STK32C: variants seen among roughly 807,000 people sequenced by gnomAD.
STK32C encodes serine/threonine-protein kinase 32C.
In STK32C, 31 loss-of-function variants were observed where a neutral mutation model predicts 56.5. The ratio of observed to expected loss-of-function variants is 0.55; its 90% CI spans 0.41 to 0.74. STK32C has a LOEUF of 0.74. STK32C is among the 30% of genes least tolerant of loss of function. The pLI, the probability that STK32C is intolerant of heterozygous loss-of-function variation, is 0.00. For missense variants in STK32C, 544 were observed against 676.9 expected (o/e 0.80, Z 2.18); for synonymous variants, 309 against 289.4 (o/e 1.07, Z -0.69).
chr10:132,317,375 ATTCATTCATTGGTC>A (rs2066327605), intron 1 of STK32C, among the ~76,000 whole-genome samples: 1 of 152,226 alleles, frequency 6.6e-6, no homozygotes, highest in South Asian at 2.1e-4. Flanking sequence ...GAGGCATAAA[ATTCATTCATTGGTC>A]TTCACTAAAG....
At chr10:132,243,687 G>C (rs1052831679) in intron 2 of STK32C, among the ~76,000 whole-genome samples, 1 of 152,230 alleles carries the variant, frequency 6.6e-6, no homozygotes, top group Non-Finnish European at 1.5e-5. Context: ...AAAGCCAAGG[G>C]CCAGGTCTAG....
At chr10:132,331,821 T>C (rs1339612946) in exon 1 of STK32C, 31 of 1,551,180 alleles carry the variant, frequency 2.0e-5, no homozygotes, top group Non-Finnish European at 2.7e-5. Flanking sequence ...CCACCACCCC[T>C]TCAAGGCCGC....
At chr10:132,248,158 C>G (rs1479255134) in intron 1 of STK32C, among the ~76,000 whole-genome samples, 1 of 152,242 alleles carries the variant, frequency 6.6e-6, no homozygotes, top group Non-Finnish European at 1.5e-5. Flanking sequence ...GGGCCGCGGC[C>G]GCACAGGCAG....
chr10:132,226,773 G>C, intron 4 of STK32C, 22 bp downstream of exon 4: 1 of 1,607,280 alleles, frequency 6.2e-7, no homozygotes, highest in East Asian at 2.2e-5. Context: ...GCAGGTACCT[G>C]CGCCGTCTGC....
chr10:132,246,730 C>A (rs147340972), intron 1 of STK32C, among the ~76,000 whole-genome samples: 131 of 152,310 alleles, frequency 8.6e-4, no homozygotes, highest in African/African-American at 2.9e-3. Flanking sequence ...ACCGTCTGCA[C>A]TTGCCTTTCA....
At chr10:132,221,453 C>T (rs531897021) in intron 10 of STK32C, among the ~76,000 whole-genome samples, 2 of 137,610 alleles carry the variant, frequency 1.5e-5, no homozygotes, top group African/African-American at 5.5e-5. Flanking sequence ...TGCACACACT[C>T]ACAACTGACA....
chr10:132,270,861 C>G (rs368238458), intron 1 of STK32C, among the ~76,000 whole-genome samples: 3 of 152,146 alleles, frequency 2.0e-5, no homozygotes, highest in South Asian at 2.1e-4. Flanking sequence ...ATCAACACAC[C>G]TGGTGAGGAC....
chr10:132,219,880 G>A (rs1000538635), intron 10 of STK32C, among the ~76,000 whole-genome samples: 13 of 152,244 alleles, frequency 8.5e-5, no homozygotes, highest in East Asian at 3.9e-4. Flanking sequence ...GAGGCTGCAC[G>A]GGGGCTGAGG....
At chr10:132,260,033 CATGCCACAA>C (rs1008810467) in intron 1 of STK32C, among the ~76,000 whole-genome samples, 9 of 151,798 alleles carry the variant, frequency 5.9e-5, no homozygotes, top group Non-Finnish European at 1.3e-4. Flanking sequence ...CCCATGCACA[CATGCCACAA>C]ATGCACGCTG....
intron 10 of STK32C, among the ~76,000 whole-genome samples, chr10:132,221,432 G>A (rs1009984298): frequency 1.1e-4 from 15 of 131,912 alleles, no homozygotes; most frequent in Admixed American, 8.3e-5. Context: ...AGGGCTTCAC[G>A]TGGCCATCCC....
At chr10:132,268,354 C>A (rs1329218915) in intron 1 of STK32C, among the ~76,000 whole-genome samples, 2 of 143,798 alleles carry the variant, frequency 1.4e-5, no homozygotes, top group Non-Finnish European at 3.0e-5. Flanking sequence ...TATGCGGGTT[C>A]AGCTCTATGC....
intron 2 of STK32C, among the ~76,000 whole-genome samples, chr10:132,230,788 A>ACCAC (rs2063074958): frequency 6.6e-6 from 1 of 150,458 alleles, no homozygotes; most frequent in Non-Finnish European, 1.5e-5. Context: ...TCGCTTGTGC[A>ACCAC]CCACCCCAGA....
At chr10:132,287,951 G>A (rs2065457163) in intron 1 of STK32C, among the ~76,000 whole-genome samples, 1 of 152,054 alleles carries the variant, frequency 6.6e-6, no homozygotes, top group Non-Finnish European at 1.5e-5. Context: ...TTGCTTCCAA[G>A]ACTTATAAAG....
intron 1 of STK32C, among the ~76,000 whole-genome samples, chr10:132,260,070 GA>G (rs35749266): frequency 2.5e-4 from 37 of 149,278 alleles, no homozygotes; most frequent in East Asian, 1.6e-3. Context: ...TCTGGTTCAG[GA>G]AAAAAAAAAA....
chr10:132,309,498 C>G (rs1233629930), upstream of STK32C, among the ~76,000 whole-genome samples: 4 of 152,256 alleles, frequency 2.6e-5, no homozygotes, highest in Non-Finnish European at 5.9e-5. Flanking sequence ...CACCGCAGCT[C>G]TCCCTGCCTG....
chr10:132,331,884 A>AC (rs762255503), upstream of STK32C: 213 of 1,019,826 alleles, frequency 2.1e-4, 1 homozygote, highest in African/African-American at 8.9e-4. Context: ...CAGGCGCACC[A>AC]CCCCCTGCCA....
chr10:132,330,962 GGA>G (rs2066680380), intron 1 of STK32C, among the ~76,000 whole-genome samples: 1 of 150,452 alleles, frequency 6.6e-6, no homozygotes, highest in Non-Finnish European at 1.5e-5. Flanking sequence ...CAGCACTTTG[GGA>G]GGCCGAGGGG....
chr10:132,276,227 C>T (rs1174857562), intron 1 of STK32C, among the ~76,000 whole-genome samples: 1 of 152,180 alleles, frequency 6.6e-6, no homozygotes, highest in African/African-American at 2.4e-5. Flanking sequence ...AAACCATTTT[C>T]AAGGGAAGAT....
chr10:132,209,964 G>T (rs560940964), intron 10 of STK32C, among the ~76,000 whole-genome samples: 2 of 152,206 alleles, frequency 1.3e-5, no homozygotes, highest in African/African-American at 2.4e-5. Flanking sequence ...CCAAGGCCCT[G>T]GGAGGGAGGG....
Sources: allele counts gnomAD v4.1 joint callset (sites outside exome capture counted in the v4.1 genomes callset), GRCh38; gene constraint gnomAD v4.1.1; transcripts MANE v1.5; gene names NCBI Gene and HGNC (gene_info 2026-07-23, HGNC 2026-07-21).